KCNH1: variants seen among roughly 807,000 people sequenced by gnomAD.
The protein encoded by KCNH1 is voltage-gated delayed rectifier potassium channel KCNH1.
Under a neutral mutation model 69.2 loss-of-function variants are expected in KCNH1, and 27 were observed. The ratio of observed to expected loss-of-function variants is 0.39; its 90% confidence interval spans 0.29 to 0.54. The LOEUF is 0.54. KCNH1 is among the 20% of genes least tolerant of loss of function. The pLI, the probability that KCNH1 is intolerant of heterozygous loss-of-function variation, is 0.68. For missense variants in KCNH1, 798 were observed against 1,261.6 expected (o/e 0.63, Z 5.57); for synonymous variants, 456 against 487.7 (o/e 0.93, Z 0.86).
chr1:210,754,467 T>C (rs1250419973), intron 10 of KCNH1, among the ~76,000 whole-genome samples: 2 of 152,174 alleles, frequency 1.3e-5, no homozygotes, highest in Non-Finnish European at 2.9e-5. Context: ...AAATTTCATG[T>C]TGAAATGTAA....
rs376207489 is a variant in KCNH1 at position 210,853,700 on chromosome 1, G to A, written c.1463-49534C>T. On this transcript the variant is annotated intron_variant, in intron 7 of 10. Transcript: ENST00000271751. ...ACACAATCCTTGGAAGATTTATCAG[G>A]TCTTGCCAGGACCCTGGTTTGCATC... Among the ~76,000 whole-genome samples, 12 of 152,244 alleles carry A rather than the reference G, an allele frequency of 7.9e-5. No individual in the cohort carries two copies. In the East Asian group the frequency reaches 9.6e-4, roughly 12 times the overall value.
At chr1:211,035,236 C>CTTTTTTTTTTTTTT (rs765170558) in intron 5 of KCNH1, among the ~76,000 whole-genome samples, 1 of 75,050 alleles carries the variant, frequency 1.3e-5, no homozygotes, top group Non-Finnish European at 2.4e-5. Flanking sequence ...TACTGGCATT[C>CTTTTTTTTTTTTTT]TTTTTTTTTT....
At chr1:210,790,146 T>C (rs1684185450) in intron 9 of KCNH1, among the ~76,000 whole-genome samples, 1 of 152,240 alleles carries the variant, frequency 6.6e-6, no homozygotes, top group Non-Finnish European at 1.5e-5. Context: ...ATTCCTATGT[T>C]CTATCTGTGT....
intron 5 of KCNH1, among the ~76,000 whole-genome samples, chr1:211,078,734 C>A (rs537221325): frequency 1.4e-4 from 21 of 151,930 alleles, no homozygotes; most frequent in Admixed American, 3.9e-4. Flanking sequence ...GAAACAAATT[C>A]AAAAGCTAGC....
At chr1:211,130,575 C>T (rs186043701) in intron 1 of KCNH1, among the ~76,000 whole-genome samples, 21 of 152,302 alleles carry the variant, frequency 1.4e-4, no homozygotes, top group African/African-American at 4.3e-4. Context: ...AAACCAAAAA[C>T]AACTGCTGGC....
chr1:210,875,500 A>T (rs543302826), intron 7 of KCNH1, among the ~76,000 whole-genome samples: 1 of 152,220 alleles, frequency 6.6e-6, no homozygotes, highest in Non-Finnish European at 1.5e-5. Context: ...ATCTATGCAC[A>T]AAAATCAATA....
At chr1:210,968,941 A>G (rs527423472) in intron 6 of KCNH1, among the ~76,000 whole-genome samples, 45 of 152,160 alleles carry the variant, frequency 3.0e-4, no homozygotes, top group Non-Finnish European at 6.2e-4. Flanking sequence ...TTATCAAATT[A>G]AGGACATCCC....
At chr1:210,860,498 C>CT in intron 7 of KCNH1, 1 of 840,444 alleles carries the variant, frequency 1.2e-6, no homozygotes, top group South Asian at 1.3e-5. Flanking sequence ...TCATCTGGCC[C>CT]TGTCTGGATT....
chr1:211,032,638 C>A (rs968772060), intron 5 of KCNH1, among the ~76,000 whole-genome samples: 1 of 152,128 alleles, frequency 6.6e-6, no homozygotes, highest in Non-Finnish European at 1.5e-5. Context: ...CTTTGACAAA[C>A]CTGACAAAAA....
chr1:210,774,041 C>T (rs1283993562), intron 10 of KCNH1, among the ~76,000 whole-genome samples: 1 of 152,062 alleles, frequency 6.6e-6, no homozygotes, highest in African/African-American at 2.4e-5. Flanking sequence ...GTGGAATTCT[C>T]ATGGTGGCAG....
At position 210,683,260 on chromosome 1, in the gene KCNH1, C is replaced by CT. The variant is rs748448737; in HGVS notation, c.*20dup. The CT allele has an allele frequency of 6.5e-5, 103 of 1,579,144 alleles. No individual in the cohort carries two copies. Among genetic ancestry groups the CT allele is most frequent in the African/African-American group, 2.7e-4 (20 of 73,604 alleles). On this transcript the variant is annotated 3_prime_UTR_variant, in exon 11 of 11. Coordinates refer to ENST00000271751, the MANE Select transcript of KCNH1 (RefSeq NM_172362.3). The surrounding 1 kb of genome is among the most constrained non-coding windows in gnomAD (Gnocchi z 5.7). ...CAGGGTTGGAGGTATCTGTCTCTGA[C>CT]TTTTTTTTTAAATAGACCTCTCAGC... is the stretch of plus-strand genomic sequence containing the variant.
At chr1:210,925,035 C>T (rs1687540149) in intron 6 of KCNH1, among the ~76,000 whole-genome samples, 1 of 152,090 alleles carries the variant, frequency 6.6e-6, no homozygotes, top group Non-Finnish European at 1.5e-5. Context: ...CTCCATAAAA[C>T]TGAAAGAGGT....
chr1:210,877,259 C>T (rs116095693), intron 7 of KCNH1, among the ~76,000 whole-genome samples: 2,834 of 152,072 alleles, frequency 0.019, 91 homozygotes, highest in African/African-American at 0.064. Context: ...AGAGCAGGGA[C>T]GTAAGTGGAA....
rs971198263 is a variant in KCNH1 at position 210,679,908 on chromosome 1, G to A, written c.*3373C>T. ...TGGGCTATCCTGTAGCATTAATGTT[G>A]TAACCTTATTAGCATAATGTAGCAT... On this transcript the variant is annotated 3_prime_UTR_variant, in exon 11 of 11. Transcript: ENST00000271751. 6.6e-6 allele frequency: 1 copy of A among 152,180 alleles called. No homozygotes were observed. The highest frequency in any genetic ancestry group is 6.5e-5 in the Admixed American group (1 of 15,288). The allele number at this position is 152,180 out of a possible 1,614,324, so 9.4% of individuals were successfully genotyped here.
Position 210,709,661 on chromosome 1 carries a change from CAGAT to C in KCNH1, c.2113-25527_2113-25524del, listed in dbSNP as rs1038479956. On this transcript the variant is annotated intron_variant, in intron 10 of 10. Transcript: ENST00000271751. ...AAGTAGAAATGGGTGGGTGGATTGA[CAGAT>C]AGACGGAAAGAAAGAGAGATATACA... Among the ~76,000 whole-genome samples, 25 of 149,172 alleles carry C rather than the reference CAGAT, an allele frequency of 1.7e-4. No individual in the cohort carries two copies. In the East Asian group the frequency reaches 2.0e-3, roughly 12 times the overall value.
intron 7 of KCNH1, among the ~76,000 whole-genome samples, chr1:210,814,781 A>G (rs963938404): frequency 1.3e-5 from 2 of 152,200 alleles, no homozygotes; most frequent in Admixed American, 1.3e-4. Flanking sequence ...CCCAGTGTTC[A>G]TATTTTTCCA....
intron 10 of KCNH1, among the ~76,000 whole-genome samples, chr1:210,699,322 C>G (rs1480046102): frequency 6.6e-6 from 1 of 152,200 alleles, no homozygotes; most frequent in Non-Finnish European, 1.5e-5. Context: ...CAGTCCTATG[C>G]CTGGCCAAAA....
chr1:210,874,458 T>C (rs1258687691), intron 7 of KCNH1, among the ~76,000 whole-genome samples: 3 of 152,226 alleles, frequency 2.0e-5, no homozygotes, highest in Admixed American at 2.0e-4. Flanking sequence ...AAACATGCCA[T>C]ACTTTCTTCT....
chr1:210,918,104 G>C (rs577862977), intron 7 of KCNH1, among the ~76,000 whole-genome samples: 1 of 152,106 alleles, frequency 6.6e-6, no homozygotes, highest in Non-Finnish European at 1.5e-5. Flanking sequence ...TTTATGAAAG[G>C]ACTCCATCAG....
Sources: allele counts gnomAD v4.1 joint callset (sites outside exome capture counted in the v4.1 genomes callset), GRCh38; gene constraint gnomAD v4.1.1; non-coding constraint Gnocchi (gnomAD v3.1); transcripts MANE v1.5; gene names NCBI Gene and HGNC (gene_info 2026-07-23, HGNC 2026-07-21).